RYK: variants seen among roughly 807,000 people sequenced by gnomAD.
RYK encodes the protein inactive tyrosine-protein kinase RYK.
A neutral mutation model predicts 70.2 loss-of-function variants in RYK; 21 were observed. The ratio of observed to expected loss-of-function variants is 0.30; its 90% confidence interval spans 0.21 to 0.43. RYK has a LOEUF of 0.43. Ranked by LOEUF, RYK falls within the 20% of genes least tolerant of loss-of-function variation. The pLI, the probability that RYK is intolerant of heterozygous loss-of-function variation, is 1.00. For missense variants in RYK, 604 were observed against 753.3 expected (o/e 0.80, Z 2.32); for synonymous variants, 267 against 278.0 (o/e 0.96, Z 0.39).
At chr3:134,198,588 TAAGCCGCAAG>T (rs2013888309) in intron 6 of RYK, among the ~76,000 whole-genome samples, 1 of 152,176 alleles carries the variant, frequency 6.6e-6, no homozygotes, top group Non-Finnish European at 1.5e-5. Context: ...CCTGGCACAA[TAAGCCGCAAG>T]TGGGCCAGAG....
chr3:134,215,764 G>A (rs1355862107), intron 2 of RYK, among the ~76,000 whole-genome samples: 5 of 152,180 alleles, frequency 3.3e-5, no homozygotes, highest in African/African-American at 7.2e-5. Flanking sequence ...CAGGCTAGGC[G>A]TGGTGGCTCA....
rs1445568882 is a variant in RYK, at chr3:134,157,456, AGATGTAAT to A, written c.*689_*696del. The A allele has an allele frequency of 6.6e-6, 1 of 152,258 alleles. No homozygotes were observed. The highest frequency in any genetic ancestry group is 6.5e-5 in the Admixed American group (1 of 15,288). The allele number at this position is 152,258 out of a possible 1,614,324, so 9.4% of individuals were successfully genotyped here. On this transcript the variant is annotated 3_prime_UTR_variant, in exon 15 of 15. Transcript: ENST00000623711. Reference sequence around the variant, plus strand: ...GAAAGGCTAATTTCTGCCAAATTAAAGATGTAATGAACTCAGTTCCTGCTTTCCCAAAA... The same window carrying A: ...GAAAGGCTAATTTCTGCCAAATTAAAGAACTCAGTTCCTGCTTTCCCAAAA...
chr3:134,229,102 C>A (rs1444218052), intron 1 of RYK, among the ~76,000 whole-genome samples: 1 of 151,848 alleles, frequency 6.6e-6, no homozygotes, highest in Non-Finnish European at 1.5e-5. Context: ...TCAAACAAAA[C>A]CCAATCTGAG....
chr3:134,250,401 C>G (rs977662720), intron 1 of RYK, 22 bp downstream of exon 1: 4 of 1,360,008 alleles, frequency 2.9e-6, no homozygotes, highest in Admixed American at 2.9e-5. Context: ...CTGCCCGCCC[C>G]GGCCTCGGCG....
At chr3:134,233,653 G>A (rs763983212) in intron 1 of RYK, among the ~76,000 whole-genome samples, 56 of 152,120 alleles carry the variant, frequency 3.7e-4, no homozygotes, top group Non-Finnish European at 7.2e-4. Context: ...GAGGAGAGAG[G>A]TGATACCTCA....
intron 5 of RYK, among the ~76,000 whole-genome samples, chr3:134,205,216 A>C (rs1424868673): frequency 2.0e-5 from 3 of 152,208 alleles, no homozygotes; most frequent in Non-Finnish European, 4.4e-5. Flanking sequence ...TCATATCTCC[A>C]TGCACAGACG....
chr3:134,236,808 C>G (rs747040120), intron 1 of RYK, among the ~76,000 whole-genome samples: 6 of 152,070 alleles, frequency 3.9e-5, no homozygotes, highest in Non-Finnish European at 8.8e-5. Context: ...TGCCAAGAGA[C>G]AAGGGGGCTG....
chr3:134,208,410 A>G (rs376511834), intron 4 of RYK, among the ~76,000 whole-genome samples: 1 of 152,222 alleles, frequency 6.6e-6, no homozygotes, highest in African/African-American at 2.4e-5. Context: ...CAATCTCCTT[A>G]TATCAAATAT....
chr3:134,202,811 C>A lies in RYK; in HGVS notation c.707G>T (p.Cys236Phe), dbSNP rs2014067913. The A allele has an allele frequency of 6.2e-7, 1 of 1,613,476 alleles. No individual in the cohort carries two copies. Among genetic ancestry groups the A allele is most frequent in the South Asian group, 1.1e-5 (1 of 91,064 alleles). The change falls in exon 6 of 15, where the codon TGT becomes TTT. Residue 236 changes from cysteine (C) to phenylalanine (F), a missense_variant. Physicochemically the swap from Cys to Phe is radical, Grantham distance 205. Around this residue, in one of 2 missense-constraint regions of RYK, gnomAD observed 466 missense variants for 535.9 expected, o/e 0.87. Coordinates refer to ENST00000623711, the MANE Select transcript of RYK (RefSeq NM_002958.4). ...TRVFYISVGV[C>F]CAVIFLVAII... ...TGCTACGAGAAATATTACTGCACAA[C>A]AAACCCCTACACTAATATAAAACAC...
At position 134,216,792 on chromosome 3, in the gene RYK, CAAAAAAAAAAAA is replaced by C. The variant is rs61441674; in HGVS notation, c.355-5197_355-5186del. Among the ~76,000 whole-genome samples, 24 of 37,428 alleles carry C rather than the reference CAAAAAAAAAAAA, an allele frequency of 6.4e-4. 1 individual carries two copies. In the East Asian group the frequency reaches 0.011, roughly 17 times the overall value. 24.6% of individuals were successfully genotyped at this position (37,428 alleles called of 152,430 possible). On this transcript the variant is annotated intron_variant, in intron 2 of 14. Transcript: ENST00000623711. ...TGGGCGACAGAGTGAGACTCTGTCT[CAAAAAAAAAAAA>C]AAAAAAAAAAAAAAAAAGCTACTGA... is the stretch of plus-strand genomic sequence containing the variant.
At chr3:134,189,546 G>A (rs561360914) in intron 8 of RYK, among the ~76,000 whole-genome samples, 1 of 152,114 alleles carries the variant, frequency 6.6e-6, no homozygotes, top group African/African-American at 2.4e-5. Flanking sequence ...GGGTCATGAG[G>A]TCAGGAGATT....
At chr3:134,230,360 C>T (rs2015022525) in intron 1 of RYK, among the ~76,000 whole-genome samples, 2 of 152,192 alleles carry the variant, frequency 1.3e-5, no homozygotes, top group Non-Finnish European at 2.9e-5. Flanking sequence ...GGATTACAAG[C>T]GTGAGCCACC....
intron 2 of RYK, among the ~76,000 whole-genome samples, chr3:134,217,521 A>C (rs2014597173): frequency 6.6e-6 from 1 of 152,188 alleles, no homozygotes; most frequent in South Asian, 2.1e-4. Context: ...TATAATAATA[A>C]GTAATACAGC....
At chr3:134,224,754 G>A (rs1489623598) in intron 1 of RYK, among the ~76,000 whole-genome samples, 1 of 152,192 alleles carries the variant, frequency 6.6e-6, no homozygotes, top group Non-Finnish European at 1.5e-5. Context: ...GGCCCTATCC[G>A]GGCTTGACAG....
At chr3:134,238,963 C>T (rs952593973) in intron 1 of RYK, among the ~76,000 whole-genome samples, 1 of 152,108 alleles carries the variant, frequency 6.6e-6, no homozygotes, top group African/African-American at 2.4e-5. Flanking sequence ...CCAATTGTAG[C>T]GTGGGCCAAC....
chr3:134,249,666 A>C lies in RYK; in HGVS notation c.232+757T>G, dbSNP rs80252293. 2.9e-3 allele frequency among the ~76,000 whole-genome samples: 446 copies of C among 152,226 alleles called. 1 individual carries two copies. The highest frequency in any genetic ancestry group is 0.01 in the African/African-American group (416 of 41,530). ...AAATGGAACCACAAACCGACCCAAG[A>C]CTAAGTTCTTGTTTCCCTTCAAGAT... On this transcript the variant is annotated intron_variant, in intron 1 of 14. Coordinates refer to ENST00000623711, the MANE Select transcript of RYK (RefSeq NM_002958.4).
chr3:134,167,077 C>T (rs1338249956), intron 13 of RYK, among the ~76,000 whole-genome samples: 1 of 151,868 alleles, frequency 6.6e-6, no homozygotes, highest in African/African-American at 2.4e-5. Context: ...AAATCTACAA[C>T]TATAAAGGAA....
At chr3:134,168,322 G>T (rs966634682) in intron 13 of RYK, among the ~76,000 whole-genome samples, 1 of 152,264 alleles carries the variant, frequency 6.6e-6, no homozygotes, top group East Asian at 1.9e-4. Flanking sequence ...ACATGCACAC[G>T]TATGTTTATT....
chr3:134,248,082 C>CA (rs2015511677), intron 1 of RYK, among the ~76,000 whole-genome samples: 1 of 151,992 alleles, frequency 6.6e-6, no homozygotes, highest in African/African-American at 2.4e-5. Flanking sequence ...CTGGAGGAGC[C>CA]AAGGAATTAT....
Sources: allele counts gnomAD v4.1 joint callset (sites outside exome capture counted in the v4.1 genomes callset), GRCh38; gene constraint gnomAD v4.1.1; regional missense constraint gnomAD v4.1.1; transcripts MANE v1.5; gene names NCBI Gene and HGNC (gene_info 2026-07-23, HGNC 2026-07-21).